The following CATSPERE variants were observed in gnomAD, a reference collection of about 807,000 sequenced individuals.
CATSPERE encodes cation channel sperm-associated auxiliary subunit epsilon.
CATSPERE carries 93 observed loss-of-function variants against 114.1 expected under a neutral mutation model. That is an observed-to-expected ratio of 0.81 (90% CI 0.69 to 0.97). The LOEUF (loss-of-function observed/expected upper bound fraction) is 0.97, where lower values mean the gene tolerates loss of function less well. Ranked by LOEUF, CATSPERE falls within the 50% of genes least tolerant of loss-of-function variation. The pLI is 0.00. For missense variants in CATSPERE, 1,058 were observed against 1,131.6 expected, an observed-to-expected ratio of 0.93 and a Z score of 0.93; for synonymous variants, 341 against 384.1, an observed-to-expected ratio of 0.89 and a Z score of 1.31.
In CATSPERE at chr1:244,617,546, T is replaced by G; in HGVS notation, c.2508T>G (p.Phe836Leu). Residue 836 changes from phenylalanine to leucine, a missense_variant, in exon 20 of 22, where the codon TTT becomes TTG. Coordinates refer to ENST00000366534, the MANE Select transcript of CATSPERE (RefSeq NM_001130957.2). The stretch of plus-strand genomic sequence containing the variant: ...TTGTTCAGAACTATAAACACTGTTT[T>G]TCTTATGCTATTGGAAAACCAGGAG... ...VWGPENYKHC[F>L]SYAIGKPGDL... is the part of the protein sequence containing the mutation. 6.6e-7 allele frequency: 1 copy of G among 1,522,576 alleles called. No individual in the cohort carries two copies. The highest frequency in any genetic ancestry group is 2.5e-5 in the East Asian group (1 of 39,770). The allele number at this position is 1,522,576 out of a possible 1,614,324, so 94.3% of individuals were successfully genotyped here.
intron 8 of CATSPERE, among the ~76,000 whole-genome samples, chr1:244,543,409 C>T (rs938030852): frequency 6.6e-6 from 1 of 151,576 alleles, no homozygotes; most frequent in Non-Finnish European, 1.5e-5. Flanking sequence ...TGTATGATCT[C>T]ACTTATATGA....
At position 244,477,949 on chromosome 1, in the gene CATSPERE, G is replaced by T. The variant is rs200697066; in HGVS notation, c.232G>T (p.Ala78Ser). 3.7e-6 allele frequency: 6 copies of T among 1,607,918 alleles called. No individual in the cohort carries two copies. The Admixed American group carries it at 6.7e-5, about 18-fold the overall frequency. Residue 78 changes from alanine to serine, a missense_variant, in exon 4 of 22, where the codon GCT becomes TCT. Physicochemically the swap from Ala to Ser is moderately conservative, Grantham distance 99 (BLOSUM62 1). Coordinates refer to ENST00000366534, the MANE Select transcript of CATSPERE (RefSeq NM_001130957.2). Reference sequence around the variant, plus strand: ...GCGTTGTTCCTCACCTGGTGTTCACGCTATAAAACCAATTGTTACTGGCCC... The same window carrying T: ...GCGTTGTTCCTCACCTGGTGTTCACTCTATAAAACCAATTGTTACTGGCCC... ...ELRCSSPGVH[A>S]IKPIVTGPDE...
intron 17 of CATSPERE, among the ~76,000 whole-genome samples, chr1:244,600,192 C>T (rs552867999): frequency 2.6e-5 from 4 of 152,190 alleles, no homozygotes; most frequent in South Asian, 2.1e-4. Context: ...CTCTCAGAAG[C>T]GAAGAGAGAA....
chr1:244,557,568 T>C (rs1299375084), intron 9 of CATSPERE, among the ~76,000 whole-genome samples: 5 of 77,258 alleles, frequency 6.5e-5, no homozygotes, highest in African/African-American at 2.9e-4. Flanking sequence ...TATATATATA[T>C]ATATATATAT....
intron 8 of CATSPERE, among the ~76,000 whole-genome samples, chr1:244,538,173 C>A (rs558750888): frequency 1.3e-5 from 2 of 152,138 alleles, no homozygotes; most frequent in South Asian, 2.1e-4. Flanking sequence ...TTTAAAAAAT[C>A]TTTTCAAAAG....
chr1:244,547,228 GC>G, intron 8 of CATSPERE, among the ~76,000 whole-genome samples: 1 of 138,612 alleles, frequency 7.2e-6, no homozygotes, highest in Non-Finnish European at 1.6e-5. Context: ...AGAATACTGT[GC>G]TCGGCAGGCC....
chr1:244,511,557 T>C (rs1460921944), intron 7 of CATSPERE, among the ~76,000 whole-genome samples: 1 of 152,220 alleles, frequency 6.6e-6, no homozygotes, highest in African/African-American at 2.4e-5. Context: ...CATTCTCTCT[T>C]ATTGTTTATC....
At chr1:244,463,446 G>C (rs914650967) in intron 1 of CATSPERE, among the ~76,000 whole-genome samples, 2 of 151,822 alleles carry the variant, frequency 1.3e-5, no homozygotes, top group Non-Finnish European at 2.9e-5. Flanking sequence ...AGGCTGAGGC[G>C]AGAGGATCAC....
chr1:244,624,120 C>A lies in CATSPERE; in HGVS notation c.2648+6434C>A, dbSNP rs564796373. ...GGAACTACAGGCGTCCGCCACCATG[C>A]CCAGCTAATTTTTTTTTTTTTTTTG... On this transcript the variant is annotated intron_variant, in intron 20 of 21. Transcript: ENST00000366534. Among the ~76,000 whole-genome samples, 22 of 115,910 alleles carry A rather than the reference C, an allele frequency of 1.9e-4. No homozygotes were observed. In the South Asian group the frequency reaches 2.2e-3, roughly 11 times the overall value. The allele number at this position is 115,910 out of a possible 152,430, so 76.0% of individuals were successfully genotyped here.
chr1:244,528,785 C>CCACACACGCACGCA (rs749801424), intron 8 of CATSPERE, among the ~76,000 whole-genome samples: 53 of 130,584 alleles, frequency 4.1e-4, no homozygotes, highest in African/African-American at 1.5e-3. Context: ...CAATCCCCCA[C>CCACACACGCACGCA]CACACACACA....
chr1:244,583,313 A>G (rs1347136936), intron 12 of CATSPERE, among the ~76,000 whole-genome samples: 1 of 152,176 alleles, frequency 6.6e-6, no homozygotes, highest in Admixed American at 6.5e-5. Flanking sequence ...TGAACACAAA[A>G]TGATTCTTGT....
intron 13 of CATSPERE, among the ~76,000 whole-genome samples, chr1:244,584,752 G>A (rs1244823878): frequency 2.6e-5 from 4 of 152,076 alleles, no homozygotes; most frequent in Admixed American, 6.6e-5. Flanking sequence ...ACCCAAGCAT[G>A]AGGAACCTGC....
intron 10 of CATSPERE, among the ~76,000 whole-genome samples, chr1:244,563,896 A>G (rs1558504090): frequency 6.6e-6 from 1 of 152,016 alleles, no homozygotes; most frequent in Non-Finnish European, 1.5e-5. Context: ...TTAGGTCTTA[A>G]GTTTAAGTCT....
chr1:244,619,698 A>G (rs1671845158), intron 20 of CATSPERE, among the ~76,000 whole-genome samples: 1 of 152,240 alleles, frequency 6.6e-6, no homozygotes, highest in African/African-American at 2.4e-5. Context: ...GAGAACACGT[A>G]TTATGCCTAA....
chr1:244,461,093 TTCC>T (rs576796734), upstream of CATSPERE, among the ~76,000 whole-genome samples: 690 of 84,782 alleles, frequency 8.1e-3, 3 homozygotes, highest in African/African-American at 0.038. Flanking sequence ...TTTTCTTTCC[TTCC>T]TCCTTCCTTC....
chr1:244,452,032 G>A, upstream of CATSPERE: 1 of 423,904 alleles, frequency 2.4e-6, no homozygotes, highest in Non-Finnish European at 4.0e-6. Flanking sequence ...CGCGCAGGCC[G>A]GCCTCGGCAG....
chr1:244,629,109 G>A (rs981454252), intron 20 of CATSPERE, among the ~76,000 whole-genome samples: 17 of 152,166 alleles, frequency 1.1e-4, no homozygotes, highest in African/African-American at 4.1e-4. Flanking sequence ...TTGCCCAAGA[G>A]TACTTGCTTT....
chr1:244,610,285 C>T lies in CATSPERE; in HGVS notation c.2449C>T (p.Leu817Phe). The change falls in exon 19 of 22, where the codon CTT becomes TTT. Residue 817 changes from leucine to phenylalanine, a missense_variant. Transcript: ENST00000366534. ...EAQTWKSMIE[L>F]NKHLPLEEVW... Reference sequence around the variant, plus strand: ...ACAGACATGGAAGTCAATGATTGAACTTAACAAGCACCTCCCACTAGAAGA... The same window carrying T: ...ACAGACATGGAAGTCAATGATTGAATTTAACAAGCACCTCCCACTAGAAGA... 6.2e-7 allele frequency: 1 copy of T among 1,613,106 alleles called. No individual in the cohort carries two copies. Among genetic ancestry groups the T allele is most frequent in the Non-Finnish European group, 8.5e-7 (1 of 1,179,438 alleles).
intron 8 of CATSPERE, among the ~76,000 whole-genome samples, chr1:244,538,999 G>GA (rs1680799397): frequency 6.6e-6 from 1 of 152,080 alleles, no homozygotes; most frequent in African/African-American, 2.4e-5. Context: ...TCAGCTGCAC[G>GA]TCGCTAGCCA....
Sources: gnomAD v4.1 joint callset for allele counts (sites outside exome capture counted in the v4.1 genomes callset) on GRCh38, gnomAD v4.1.1 for gene constraint, MANE v1.5 for transcripts, NCBI Gene and HGNC (gene_info 2026-07-23, HGNC 2026-07-21) for gene names.